The following EYA1 variants were observed in gnomAD, a reference collection of about 807,000 sequenced individuals.
EYA1 encodes the protein EYA transcriptional coactivator and phosphatase 1, also known as protein phosphatase EYA1.
In EYA1, 16 loss-of-function variants were observed where a neutral mutation model predicts 82.0. The ratio of observed to expected loss-of-function variants is 0.20; its 90% CI spans 0.13 to 0.30. The LOEUF is 0.30. Among genes scored for constraint, EYA1 ranks in the 10% least tolerant of loss-of-function variants. The probability of loss-of-function intolerance (pLI) is 1.00; values close to 1 mark genes in which losing one functional copy is unlikely to be tolerated. For missense variants in EYA1, 633 were observed against 730.7 expected, an observed-to-expected ratio of 0.87 and a Z score of 1.54; for synonymous variants, 261 against 264.4, an observed-to-expected ratio of 0.99 and a Z score of 0.12.
At position 71,452,583 on chromosome 8, in the gene EYA1, C is replaced by T. The variant is rs546038166; in HGVS notation, c.33+83161G>A. Among the ~76,000 whole-genome samples the T allele has an allele frequency of 1.7e-3, 254 of 152,260 alleles. 6 individuals are homozygous for T. Among genetic ancestry groups the T allele is most frequent in the Non-Finnish European group, 4.4e-4 (30 of 68,014 alleles). Reference sequence around the variant, plus strand: ...CTCTGAGATGAAGCTTCCAGAGGAACGATCAGGCAGCAACAGTTGATGTTC... The same window carrying T: ...CTCTGAGATGAAGCTTCCAGAGGAATGATCAGGCAGCAACAGTTGATGTTC... On this transcript the variant is annotated intron_variant, in intron 2 of 18. Coordinates refer to the EYA1 transcript ENST00000643681.
At chr8:71,378,917 C>A (rs917533675) in intron 2 of EYA1, among the ~76,000 whole-genome samples, 1 of 152,020 alleles carries the variant, frequency 6.6e-6, no homozygotes, top group Non-Finnish European at 1.5e-5. Flanking sequence ...TAAAAAATAA[C>A]CAGATGTAGA....
chr8:71,278,340 T>C (rs1041514869), intron 9 of EYA1, among the ~76,000 whole-genome samples: 1 of 152,228 alleles, frequency 6.6e-6, no homozygotes, highest in African/African-American at 2.4e-5. Flanking sequence ...TGTGGTTTTA[T>C]TTCTCAGGCC....
intron 11 of EYA1, among the ~76,000 whole-genome samples, chr8:71,252,664 T>C (rs1813890941): frequency 6.6e-6 from 1 of 152,086 alleles, no homozygotes; most frequent in Admixed American, 6.5e-5. Flanking sequence ...GACCCAACTC[T>C]AGGAAGCTGG....
intron 12 of EYA1, among the ~76,000 whole-genome samples, chr8:71,217,522 T>G (rs1477263954): frequency 2.0e-5 from 3 of 152,226 alleles, no homozygotes; most frequent in Non-Finnish European, 4.4e-5. Flanking sequence ...ACAAAAAATC[T>G]GTTACTGGTT....
intron 2 of EYA1, among the ~76,000 whole-genome samples, chr8:71,398,671 G>A (rs1829774135): frequency 6.6e-6 from 1 of 152,174 alleles, no homozygotes; most frequent in Non-Finnish European, 1.5e-5. Flanking sequence ...CGTCTCAGAG[G>A]GGCATCCAGC....
intron 2 of EYA1, among the ~76,000 whole-genome samples, chr8:71,374,103 A>G (rs1828234236): frequency 6.6e-6 from 1 of 152,184 alleles, no homozygotes; most frequent in Admixed American, 6.5e-5. Context: ...CGGACAAAAA[A>G]GGCAAAGGCA....
chr8:71,412,945 T>C (rs1358439569), intron 2 of EYA1, among the ~76,000 whole-genome samples: 1 of 152,164 alleles, frequency 6.6e-6, no homozygotes, highest in Non-Finnish European at 1.5e-5. Flanking sequence ...GGAGCTGTGC[T>C]AGGATAGGGA....
At chr8:71,290,803 A>AAAAG (rs59515569) in intron 9 of EYA1, among the ~76,000 whole-genome samples, 28,601 of 151,292 alleles carry the variant, frequency 0.19, 3,519 homozygotes, top group East Asian at 0.43. Flanking sequence ...CCTCTGGGAA[A>AAAAG]AAAGAAAGAA....
intron 12 of EYA1, among the ~76,000 whole-genome samples, chr8:71,230,916 C>T (rs1811119361): frequency 6.6e-6 from 1 of 152,192 alleles, no homozygotes; most frequent in South Asian, 2.1e-4. Context: ...GAAATGATGG[C>T]TTCCAGCTTC....
At chr8:71,250,204 T>G (rs1340638047) in intron 11 of EYA1, among the ~76,000 whole-genome samples, 1 of 152,252 alleles carries the variant, frequency 6.6e-6, no homozygotes, top group Non-Finnish European at 1.5e-5. Context: ...GTCTAACTTT[T>G]GCTTACATAT....
chr8:71,446,704 AT>A (rs914111278), intron 2 of EYA1, among the ~76,000 whole-genome samples: 1 of 152,072 alleles, frequency 6.6e-6, no homozygotes, highest in African/African-American at 2.4e-5. Flanking sequence ...AACAGCTGTT[AT>A]TTTCAGGATT....
intron 2 of EYA1, among the ~76,000 whole-genome samples, chr8:71,504,875 C>T (rs1430052711): frequency 6.6e-6 from 1 of 152,200 alleles, no homozygotes; most frequent in East Asian, 1.9e-4. Flanking sequence ...GAGCTCAGCT[C>T]ACTACAACCT....
At chr8:71,318,389 G>A (rs1044070007) in intron 6 of EYA1, among the ~76,000 whole-genome samples, 13 of 152,164 alleles carry the variant, frequency 8.5e-5, no homozygotes, top group African/African-American at 2.9e-4. Flanking sequence ...CCCTGTTAGT[G>A]TGAAATATTT....
chr8:71,515,222 T>C (rs935579447), intron 2 of EYA1, among the ~76,000 whole-genome samples: 4 of 152,138 alleles, frequency 2.6e-5, no homozygotes, highest in African/African-American at 9.7e-5. Context: ...TTGGCTCATT[T>C]TTCAGATGAG....
At chr8:71,468,350 C>A (rs1808927367) in intron 2 of EYA1, among the ~76,000 whole-genome samples, 1 of 152,090 alleles carries the variant, frequency 6.6e-6, no homozygotes, top group Non-Finnish European at 1.5e-5. Flanking sequence ...TCTAGGCACA[C>A]CAGCTTTGCA....
chr8:71,308,857 G>A (rs1198778143), intron 7 of EYA1, among the ~76,000 whole-genome samples: 1 of 152,098 alleles, frequency 6.6e-6, no homozygotes, highest in African/African-American at 2.4e-5. Context: ...ATGTTTTAGA[G>A]CATTTTCTAG....
At chr8:71,423,935 C>A (rs1192232194) in intron 2 of EYA1, among the ~76,000 whole-genome samples, 1 of 152,162 alleles carries the variant, frequency 6.6e-6, no homozygotes, top group African/African-American at 2.4e-5. Flanking sequence ...ATTGTTTTTA[C>A]TTGTTCCCCT....
At chr8:71,318,565 TTTAA>T (rs1822178346) in intron 6 of EYA1, among the ~76,000 whole-genome samples, 1 of 152,212 alleles carries the variant, frequency 6.6e-6, no homozygotes, top group Non-Finnish European at 1.5e-5. Flanking sequence ...CAGCTCTGTC[TTTAA>T]TTAATTACAA....
chr8:71,380,091 T>A (rs961792486), intron 2 of EYA1, among the ~76,000 whole-genome samples: 2 of 152,176 alleles, frequency 1.3e-5, no homozygotes, highest in Non-Finnish European at 2.9e-5. Flanking sequence ...TCAGGATCAG[T>A]CCAGTATATT....
Sources: gnomAD v4.1 joint callset for allele counts (sites outside exome capture counted in the v4.1 genomes callset) on GRCh38, gnomAD v4.1.1 for gene constraint, MANE v1.5 for transcripts, NCBI Gene and HGNC (gene_info 2026-07-23, HGNC 2026-07-21) for gene names.